The following PBX3 variants were observed in gnomAD, a reference collection of about 807,000 sequenced individuals.
PBX3 encodes the protein PBX homeobox 3, also known as pre-B-cell leukemia transcription factor 3.
PBX3 carries 14 observed loss-of-function variants against 48.5 expected under a neutral mutation model. That is an observed-to-expected ratio of 0.29 (90% CI 0.19 to 0.45). The LOEUF (loss-of-function observed/expected upper bound fraction) is 0.45, where lower values mean the gene tolerates loss of function less well. PBX3 is among the 20% of genes least tolerant of loss of function. The pLI, the probability that PBX3 is intolerant of heterozygous loss-of-function variation, is 1.00. For synonymous variants in PBX3, 210 were observed against 200.3 expected (o/e 1.05, Z -0.41); for missense variants, 386 against 546.7 (o/e 0.71, Z 2.93).
intron 2 of PBX3, among the ~76,000 whole-genome samples, chr9:125,871,261 G>C (rs897483069): frequency 6.6e-6 from 1 of 151,992 alleles, no homozygotes; most frequent in Non-Finnish European, 1.5e-5. Context: ...GCCAGGTGTG[G>C]TGGTGGGTGC....
intron 2 of PBX3, among the ~76,000 whole-genome samples, chr9:125,800,147 CAGT>C (rs1365340661): frequency 1.3e-5 from 2 of 152,264 alleles, no homozygotes; most frequent in Admixed American, 1.3e-4. Flanking sequence ...ACTATGGACT[CAGT>C]GGTGCTTACT....
chr9:125,886,713 A>C (rs538563938), intron 2 of PBX3, among the ~76,000 whole-genome samples: 1 of 152,188 alleles, frequency 6.6e-6, no homozygotes, highest in Non-Finnish European at 1.5e-5. Flanking sequence ...GAATTAATGG[A>C]TGGTCCTACA....
chr9:125,831,647 G>C (rs772505636), intron 2 of PBX3, among the ~76,000 whole-genome samples: 2 of 152,000 alleles, frequency 1.3e-5, no homozygotes, highest in Non-Finnish European at 2.9e-5. Flanking sequence ...TCCTCCAGTG[G>C]TGTATAACTT....
At chr9:125,852,182 C>G (rs1839602265) in intron 2 of PBX3, among the ~76,000 whole-genome samples, 1 of 152,104 alleles carries the variant, frequency 6.6e-6, no homozygotes, top group African/African-American at 2.4e-5. Context: ...TCCTTTTTAG[C>G]TGGGATTATG....
chr9:125,915,435 G>A (rs73667297), intron 2 of PBX3, among the ~76,000 whole-genome samples: 4,220 of 152,104 alleles, frequency 0.028, 234 homozygotes, highest in African/African-American at 0.096. Context: ...CTTTTTCTAA[G>A]GATCTAGTCT....
chr9:125,910,021 G>A (rs1054485012), intron 2 of PBX3, among the ~76,000 whole-genome samples: 1 of 152,188 alleles, frequency 6.6e-6, no homozygotes, highest in African/African-American at 2.4e-5. Context: ...TGGATTGACA[G>A]TTTATGTGTT....
intron 5 of PBX3, among the ~76,000 whole-genome samples, chr9:125,958,971 AAG>A (rs903714477): frequency 3.3e-5 from 5 of 152,196 alleles, no homozygotes; most frequent in Non-Finnish European, 5.9e-5. Flanking sequence ...TACACCATGT[AAG>A]AGCCTGCTCT....
chr9:125,858,964 A>G (rs1020987698), intron 2 of PBX3, among the ~76,000 whole-genome samples: 2 of 152,148 alleles, frequency 1.3e-5, no homozygotes, highest in Non-Finnish European at 2.9e-5. Flanking sequence ...TAATAGTGGT[A>G]AATATAAAAT....
At chr9:125,897,000 A>T (rs1840784650) in intron 2 of PBX3, among the ~76,000 whole-genome samples, 1 of 151,952 alleles carries the variant, frequency 6.6e-6, no homozygotes, top group African/African-American at 2.4e-5. Context: ...GATTTTAAAA[A>T]TTTAATCATT....
chr9:125,869,905 C>T (rs1234066177), intron 2 of PBX3, among the ~76,000 whole-genome samples: 1 of 152,062 alleles, frequency 6.6e-6, no homozygotes, highest in Non-Finnish European at 1.5e-5. Flanking sequence ...TGTATTAGTC[C>T]CTTTTCACGC....
At chr9:125,758,552 C>T (rs1836582396) in intron 2 of PBX3, among the ~76,000 whole-genome samples, 1 of 151,970 alleles carries the variant, frequency 6.6e-6, no homozygotes, top group Admixed American at 6.6e-5. Flanking sequence ...AGCTGTCAAC[C>T]ATTGTAATGT....
chr9:125,780,853 G>C (rs1837270063), intron 2 of PBX3, among the ~76,000 whole-genome samples: 1 of 149,798 alleles, frequency 6.7e-6, no homozygotes, highest in South Asian at 2.1e-4. Context: ...GTGGCTGCCG[G>C]GCAGAGGGAC....
At chr9:125,882,751 T>C (rs912643469) in intron 2 of PBX3, among the ~76,000 whole-genome samples, 5 of 152,234 alleles carry the variant, frequency 3.3e-5, no homozygotes, top group East Asian at 1.9e-4. Context: ...GTAAGCCTAG[T>C]TGGTATTTTG....
chr9:125,789,743 C>T (rs926742975), intron 2 of PBX3, among the ~76,000 whole-genome samples: 14 of 152,088 alleles, frequency 9.2e-5, no homozygotes, highest in African/African-American at 3.1e-4. Flanking sequence ...TTAGAGGCTG[C>T]CTACCACTCT....
chr9:125,877,016 C>A (rs1333238240), intron 2 of PBX3, among the ~76,000 whole-genome samples: 4 of 152,016 alleles, frequency 2.6e-5, no homozygotes, highest in Admixed American at 2.6e-4. Context: ...TTGTGATCTG[C>A]CTGCCTTGGC....
At chr9:125,862,398 G>A (rs1435295266) in intron 2 of PBX3, among the ~76,000 whole-genome samples, 1 of 151,562 alleles carries the variant, frequency 6.6e-6, no homozygotes, top group Non-Finnish European at 1.5e-5. Flanking sequence ...ACTTTTTTTT[G>A]TTTGTTTGAG....
intron 2 of PBX3, among the ~76,000 whole-genome samples, chr9:125,779,046 A>T (rs957844313): frequency 2.3e-5 from 3 of 133,318 alleles, no homozygotes; most frequent in African/African-American, 8.6e-5. Context: ...TCCCAAACAG[A>T]TAATCTGAAC....
chr9:125,751,150 C>A (rs1005882671), intron 2 of PBX3, among the ~76,000 whole-genome samples: 1 of 152,112 alleles, frequency 6.6e-6, no homozygotes, highest in Non-Finnish European at 1.5e-5. Context: ...AAAATTAATT[C>A]TTTGTAATTT....
chr9:125,815,082 A>G (rs1838418152), intron 2 of PBX3, among the ~76,000 whole-genome samples: 1 of 152,154 alleles, frequency 6.6e-6, no homozygotes, highest in Non-Finnish European at 1.5e-5. Flanking sequence ...TCACAACCTG[A>G]AGAATTATGT....
Sources: gnomAD v4.1 joint callset for allele counts (sites outside exome capture counted in the v4.1 genomes callset) on GRCh38, gnomAD v4.1.1 for gene constraint, MANE v1.5 for transcripts, NCBI Gene and HGNC (gene_info 2026-07-23, HGNC 2026-07-21) for gene names.